Variants in ZNF577 observed in about 807,000 individuals in gnomAD.
ZNF577 encodes zinc finger protein 577.
Under a neutral mutation model 13.9 loss-of-function variants are expected in ZNF577, and 14 were observed. The observed-to-expected ratio is 1.00, with a 90% CI of 0.66 to 1.57. The LOEUF is 1.57. Among genes scored for constraint, ZNF577 ranks in the 40% most tolerant of loss-of-function variants. The pLI, the probability that ZNF577 is intolerant of heterozygous loss-of-function variation, is 0.00. For missense variants in ZNF577, 555 were observed against 579.2 expected (o/e 0.96, Z 0.43); for synonymous variants, 203 against 202.9 (o/e 1.00, Z 0.00).
chr19:51,844,155 TCTTA>T (rs368352770), intron 6 of ZNF577, among the ~76,000 whole-genome samples: 206 of 152,072 alleles, frequency 1.4e-3, no homozygotes, highest in African/African-American at 4.8e-3. Flanking sequence ...AAAACAGACT[TCTTA>T]CTATGTGCTA....
intron 10 of ZNF577, among the ~76,000 whole-genome samples, chr19:51,809,969 G>A (rs1269717181): frequency 6.6e-6 from 1 of 152,150 alleles, no homozygotes; most frequent in Non-Finnish European, 1.5e-5. Context: ...GAAATTTTGA[G>A]CGGCACTGAT....
At position 51,824,614 on chromosome 19, in the gene ZNF577, C is replaced by T; in HGVS notation, c.*600-12940G>A. The T allele has an allele frequency of 6.2e-7, 1 of 1,614,098 alleles. No homozygotes were observed. Among genetic ancestry groups the T allele is most frequent in the East Asian group, 2.2e-5 (1 of 44,868 alleles). ...CTTGTCCTGATTAACCCAACAAGCT[C>T]CTTGGCCTTTTTTAACAGCTGCCTC... On this transcript the variant is annotated intron_variant and NMD_transcript_variant, in intron 9 of 10. Coordinates refer to the ZNF577 transcript ENST00000638827. The surrounding 1 kb of genome is among the most constrained non-coding windows in gnomAD (Gnocchi z 4.7).
chr19:51,839,078 T>C (rs992961851), intron 9 of ZNF577, among the ~76,000 whole-genome samples: 19 of 152,182 alleles, frequency 1.2e-4, no homozygotes, highest in East Asian at 1.2e-3. Flanking sequence ...ATTCCAATAA[T>C]CTTCAAAAGA....
intron 9 of ZNF577, among the ~76,000 whole-genome samples, chr19:51,827,279 T>C (rs1254725017): frequency 6.6e-6 from 1 of 152,162 alleles, no homozygotes; most frequent in African/African-American, 2.4e-5. Context: ...CAGATAACCT[T>C]TGAGGCTAGA....
chr19:51,824,179 G>A lies in ZNF577; in HGVS notation c.*600-12505C>T. On this transcript the variant is annotated intron_variant and NMD_transcript_variant, in intron 9 of 10. Coordinates refer to the ZNF577 transcript ENST00000638827. This position sits in a 1 kb window ranked among gnomAD's most constrained non-coding sequence, Gnocchi z 4.7. ...CATCGCACCATGAGTCTGGCCAAGAGGGTGATGACGGGACTCTGGATTTTC... is the reference window on the plus strand; with the variant it reads ...CATCGCACCATGAGTCTGGCCAAGAAGGTGATGACGGGACTCTGGATTTTC... The A allele has an allele frequency of 1.2e-6, 2 of 1,614,142 alleles. No individual in the cohort carries two copies. Among genetic ancestry groups the A allele is most frequent in the Non-Finnish European group, 1.7e-6 (2 of 1,180,008 alleles).
chr19:51,838,772 T>C (rs942813410), intron 9 of ZNF577, among the ~76,000 whole-genome samples: 2 of 151,906 alleles, frequency 1.3e-5, no homozygotes, highest in African/African-American at 2.4e-5. Flanking sequence ...TTGGTATAGA[T>C]GGTAAATTGT....
rs559612922 is a variant in ZNF577, at chr19:51,823,829, C to T, written c.*600-12155G>A. ...CTGCTGGCCACACCGTTCTGTGGAT[C>T]TTCTCATTGCTAGTCCACGGAGTCA... On this transcript the variant is annotated intron_variant and NMD_transcript_variant, in intron 9 of 10. Transcript: ENST00000638827. 7 of 1,613,934 alleles carry T rather than the reference C, an allele frequency of 4.3e-6. No individual in the cohort carries two copies. The African/African-American group carries it at 9.3e-5, about 22-fold the overall frequency.
intron 8 of ZNF577, among the ~76,000 whole-genome samples, chr19:51,842,306 C>T (rs1239129930): frequency 6.6e-6 from 1 of 152,186 alleles, no homozygotes; most frequent in Non-Finnish European, 1.5e-5. Flanking sequence ...AGTTAATCCT[C>T]AGTGCAGCAG....
At chr19:51,851,667 CTCT>C (rs2084379272) in intron 5 of ZNF577, among the ~76,000 whole-genome samples, 1 of 152,090 alleles carries the variant, frequency 6.6e-6, no homozygotes, top group African/African-American at 2.4e-5. Context: ...CTAACACAGA[CTCT>C]TCAACTCCTC....
intron 9 of ZNF577, among the ~76,000 whole-genome samples, chr19:51,829,147 C>G (rs1040964232): frequency 2.6e-5 from 4 of 152,136 alleles, no homozygotes; most frequent in Non-Finnish European, 5.9e-5. Context: ...AGGGTCCAAC[C>G]TGGCCGAATG....
intron 10 of ZNF577, among the ~76,000 whole-genome samples, chr19:51,805,702 G>A (rs1417801536): frequency 6.6e-6 from 1 of 152,140 alleles, no homozygotes; most frequent in Non-Finnish European, 1.5e-5. Context: ...TTGGCTGTAC[G>A]TGTCCAATTC....
chr19:51,810,921 G>A (rs1013233764), intron 10 of ZNF577, among the ~76,000 whole-genome samples: 8 of 152,208 alleles, frequency 5.3e-5, no homozygotes, highest in Non-Finnish European at 7.3e-5. Context: ...TATGGCAGCA[G>A]AGCATAAAAT....
intron 8 of ZNF577, among the ~76,000 whole-genome samples, chr19:51,841,833 C>T (rs1323909937): frequency 2.0e-5 from 3 of 152,110 alleles, no homozygotes; most frequent in Admixed American, 1.3e-4. Flanking sequence ...GCAGGAGAAT[C>T]AGTTGAATCT....
intron 5 of ZNF577, among the ~76,000 whole-genome samples, chr19:51,852,462 C>G (rs1200650522): frequency 6.6e-6 from 1 of 152,186 alleles, no homozygotes; most frequent in African/African-American, 2.4e-5. Flanking sequence ...ATCACCAGGT[C>G]AAACCTAAAC....
rs746930601 is a variant in ZNF577 at position 51,868,275 on chromosome 19, G to A, written c.*4257C>T. On this transcript the variant is annotated 3_prime_UTR_variant, in exon 6 of 6. Transcript: ENST00000638348. ...ATGCAGTTGTTAATAGGCCAGTTCCGGACACTCCATAGGACACAGACACCT... is the reference window on the plus strand; with the variant it reads ...ATGCAGTTGTTAATAGGCCAGTTCCAGACACTCCATAGGACACAGACACCT... Among the ~76,000 whole-genome samples the A allele has an allele frequency of 3.3e-5, 5 of 151,958 alleles. No individual in the cohort carries two copies. The highest frequency in any genetic ancestry group is 5.9e-5 in the Non-Finnish European group (4 of 67,992).
chr19:51,814,114 C>T (rs530152954), intron 9 of ZNF577, among the ~76,000 whole-genome samples: 1 of 152,246 alleles, frequency 6.6e-6, no homozygotes, highest in South Asian at 2.1e-4. Context: ...CATATGTTTA[C>T]TATACTTTAT....
At chr19:51,812,776 G>T (rs1011261999) in intron 9 of ZNF577, among the ~76,000 whole-genome samples, 2 of 152,126 alleles carry the variant, frequency 1.3e-5, no homozygotes, top group African/African-American at 4.8e-5. Context: ...TCGTCTCTTA[G>T]TCCATTCAAG....
At chr19:51,828,971 G>A (rs1473249525) in intron 9 of ZNF577, among the ~76,000 whole-genome samples, 1 of 152,142 alleles carries the variant, frequency 6.6e-6, no homozygotes, top group Non-Finnish European at 1.5e-5. Context: ...GGCCCCTGGT[G>A]ACAGGCCACT....
Position 51,873,528 on chromosome 19 carries a change from T to G in ZNF577, c.462A>C (p.Gly154=), listed in dbSNP as rs1264716480. Residue 154 remains glycine, a synonymous_variant, in exon 6 of 6, where the codon GGA becomes GGC. Coordinates refer to ENST00000638348, the MANE Select transcript of ZNF577 (RefSeq NM_001370449.1). ...QLNDLQKICA[G]GKPHECSVCG... is the part of the protein sequence containing the mutation. ...ACACACTGCATTCATGTGGTTTCCC[T>G]CCTGCACAAATTTTTTGTAGGTCAT... The G allele has an allele frequency of 6.2e-7, 1 of 1,614,092 alleles. No homozygotes were observed. Among genetic ancestry groups the G allele is most frequent in the African/African-American group, 1.3e-5 (1 of 74,934 alleles).
Sources: allele counts gnomAD v4.1 joint callset (sites outside exome capture counted in the v4.1 genomes callset), GRCh38; gene constraint gnomAD v4.1.1; non-coding constraint Gnocchi (gnomAD v3.1); transcripts MANE v1.5; gene names NCBI Gene and HGNC (gene_info 2026-07-23, HGNC 2026-07-21).